LBHD2: variants seen among roughly 807,000 people sequenced by gnomAD.
LBHD2 encodes LBH domain-containing protein 2.
chr14:103,088,279 A>T (rs368245299), intron 3 of LBHD2, 38 bp downstream of exon 3: 1 of 398,764 alleles, frequency 2.5e-6, no homozygotes. Context: ...GAGAGGAGGA[A>T]GTGGCCACTG....
intron 1 of LBHD2, 44 bp from the exon 2 acceptor site, chr14:103,085,932 A>G (rs999531015): frequency 6.3e-5 from 25 of 398,424 alleles, no homozygotes; most frequent in African/African-American, 4.5e-4. Context: ...GGGAGTGTGG[A>G]TCCAGCATCA....
At chr14:103,086,710 T>C (rs1489328060) in intron 2 of LBHD2, among the ~76,000 whole-genome samples, 1 of 138,300 alleles carries the variant, frequency 7.2e-6, no homozygotes, top group Non-Finnish European at 1.6e-5. Flanking sequence ...CTGATGAAAC[T>C]AAAAAAAAAA....
Position 103,089,827 on chromosome 14 carries a change from G to A in LBHD2, c.*30G>A. On this transcript the variant is annotated 3_prime_UTR_variant, in exon 4 of 4. Coordinates refer to ENST00000634353, the MANE Select transcript of LBHD2 (RefSeq NM_001330236.2). ...AGGACGTGGCTGGGCTCTGCTGTCT[G>A]ACTGCTGAGGGCCTCTGCCCCAGGG... 2.5e-6 allele frequency: 1 copy of A among 398,546 alleles called. No homozygotes were observed. Among genetic ancestry groups the A allele is most frequent in the Non-Finnish European group, 4.4e-6 (1 of 226,036 alleles). The allele number at this position is 398,546 out of a possible 1,614,324, so 24.7% of individuals were successfully genotyped here.
intron 3 of LBHD2, among the ~76,000 whole-genome samples, chr14:103,088,903 A>T (rs1889670664): frequency 6.6e-6 from 1 of 152,232 alleles, no homozygotes; most frequent in Non-Finnish European, 1.5e-5. Flanking sequence ...CTGAGGCAGG[A>T]GAATCGCTTG....
chr14:103,089,944 G>A lies in LBHD2; in HGVS notation c.*147G>A. The A allele has an allele frequency of 5.0e-6, 2 of 397,186 alleles. No individual in the cohort carries two copies. Among genetic ancestry groups the A allele is most frequent in the Non-Finnish European group, 8.9e-6 (2 of 225,638 alleles). 24.6% of individuals were successfully genotyped at this position (397,186 alleles called of 1,614,324 possible). On this transcript the variant is annotated 3_prime_UTR_variant, in exon 4 of 4. Transcript: ENST00000634353. ...GTCACAGGGTCTGGACCGCAGCCCT[G>A]CCCTCTTCTGCCCATGGCCCAGGTC...
chr14:103,086,779 G>C (rs1889640923), intron 2 of LBHD2, among the ~76,000 whole-genome samples: 1 of 152,172 alleles, frequency 6.6e-6, no homozygotes, highest in Non-Finnish European at 1.5e-5. Context: ...AGCCCAGCTA[G>C]AGCCCAGCCA....
At chr14:103,087,305 C>T (rs542847899) in intron 2 of LBHD2, among the ~76,000 whole-genome samples, 5 of 152,344 alleles carry the variant, frequency 3.3e-5, no homozygotes, top group South Asian at 2.1e-4. Flanking sequence ...CCCCCTGCTG[C>T]GTGGCTGTCC....
intron 3 of LBHD2, 42 bp from the exon 4 acceptor site, chr14:103,089,655 C>G: frequency 2.5e-6 from 1 of 398,640 alleles, no homozygotes; most frequent in Non-Finnish European, 4.4e-6. Flanking sequence ...TCAGGCTGCA[C>G]TCCCCCCGCC....
At chr14:103,089,627 C>T (rs1003354610) in intron 3 of LBHD2, 70 bp from the exon 4 acceptor site, 4 of 398,220 alleles carry the variant, frequency 1.0e-5, no homozygotes, top group African/African-American at 2.1e-5. Context: ...ACGCTCATTT[C>T]GGGCCCCTGG....
intron 2 of LBHD2, among the ~76,000 whole-genome samples, chr14:103,087,321 C>G (rs926572560): frequency 6.6e-6 from 1 of 152,334 alleles, no homozygotes; most frequent in East Asian, 1.9e-4. Context: ...TGTCCTTCCT[C>G]GAGGCCCTTG....
intron 3 of LBHD2, among the ~76,000 whole-genome samples, chr14:103,089,480 C>T (rs1244227935): frequency 1.3e-5 from 2 of 152,180 alleles, no homozygotes; most frequent in Non-Finnish European, 2.9e-5. Flanking sequence ...CCCTCTGCCA[C>T]CCCATCATCT....
At chr14:103,086,567 G>T (rs1889636852) in intron 2 of LBHD2, among the ~76,000 whole-genome samples, 1 of 152,134 alleles carries the variant, frequency 6.6e-6, no homozygotes, top group African/African-American at 2.4e-5. Flanking sequence ...AGCATTCCTG[G>T]CTTACTTAGC....
rs933098313 is a variant in LBHD2 at position 103,088,188 on chromosome 14, G to A, written c.173G>A (p.Arg58His). 29 of 398,704 alleles carry A rather than the reference G, an allele frequency of 7.3e-5. No homozygotes were observed. Among genetic ancestry groups the A allele is most frequent in the Middle Eastern group, 6.3e-4 (1 of 1,590 alleles). The allele number at this position is 398,704 out of a possible 1,614,324, so 24.7% of individuals were successfully genotyped here. Residue 58 changes from arginine to histidine, a missense_variant, in exon 3 of 4, where the codon CGC becomes CAC. By Grantham distance (29) the Arg-to-His change is conservative. Coordinates refer to ENST00000634353, the MANE Select transcript of LBHD2 (RefSeq NM_001330236.2). ...EADPVESGEL[R>H]WPLESAQRGP... ...GACCCTGTGGAAAGTGGGGAGCTGCGCTGGCCCCTGGAGAGTGCCCAGAGG... is the reference window on the plus strand; with the variant it reads ...GACCCTGTGGAAAGTGGGGAGCTGCACTGGCCCCTGGAGAGTGCCCAGAGG...
intron 2 of LBHD2, 116 bp downstream of exon 2, chr14:103,086,197 G>A: frequency 2.5e-6 from 1 of 397,436 alleles, no homozygotes; most frequent in Non-Finnish European, 4.4e-6. Context: ...GGGTGGGGGA[G>A]ATCATTGCTT....
intron 3 of LBHD2, 39 bp from the exon 4 acceptor site, chr14:103,089,658 C>T: frequency 2.5e-6 from 1 of 398,632 alleles, no homozygotes; most frequent in Non-Finnish European, 4.4e-6. Flanking sequence ...GGCTGCACTC[C>T]CCCCGCCGAC....
chr14:103,084,765 G>A (rs1889612446), intron 1 of LBHD2, among the ~76,000 whole-genome samples: 2 of 151,860 alleles, frequency 1.3e-5, no homozygotes, highest in South Asian at 2.1e-4. Context: ...GTCACCTCTC[G>A]CCTGGTCTCT....
At chr14:103,089,508 C>A (rs1453150622) in intron 3 of LBHD2, among the ~76,000 whole-genome samples, 189 bp from the exon 4 acceptor site, 1 of 152,144 alleles carries the variant, frequency 6.6e-6, no homozygotes, top group Non-Finnish European at 1.5e-5. Context: ...GTGGGAGCTG[C>A]CCCTGCTCGC....
At chr14:103,088,000 A>G in intron 2 of LBHD2, 85 bp from the exon 3 acceptor site, 1 of 396,082 alleles carries the variant, frequency 2.5e-6, no homozygotes, top group Non-Finnish European at 4.4e-6. Context: ...TGATCTCCCT[A>G]GTGGGGCAGT....
At chr14:103,087,002 G>A (rs1393517800) in intron 2 of LBHD2, among the ~76,000 whole-genome samples, 1 of 152,254 alleles carries the variant, frequency 6.6e-6, no homozygotes, top group East Asian at 1.9e-4. Flanking sequence ...GGGGCAGGAA[G>A]GAGAATGGCA....
Sources: allele counts gnomAD v4.1 joint callset (sites outside exome capture counted in the v4.1 genomes callset), GRCh38; gene constraint gnomAD v4.1.1; transcripts MANE v1.5; gene names NCBI Gene and HGNC (gene_info 2026-07-23, HGNC 2026-07-21).